The following TAS2R1 variants were observed in gnomAD, a reference collection of about 807,000 sequenced individuals.
The protein encoded by TAS2R1 is taste 2 receptor member 1.
For synonymous variants in TAS2R1, 141 were observed against 134.2 expected (o/e 1.05, Z -0.35); for missense variants, 370 against 353.4 (o/e 1.05, Z -0.38).
chr5:9,858,808 C>T, the TAS2R1 span, among the ~76,000 whole-genome samples: 1 of 152,146 alleles, frequency 6.6e-6, no homozygotes, highest in South Asian at 2.1e-4. Flanking sequence ...AGATTGTATG[C>T]ACTTCCCTGT....
chr5:9,770,608 A>C, the TAS2R1 span, among the ~76,000 whole-genome samples: 53,963 of 151,822 alleles, frequency 0.36, 10,186 homozygotes, highest in Admixed American at 0.44. Flanking sequence ...TTATAGAAAT[A>C]TCTCACTTAT....
chr5:9,716,545 TTA>T (rs5865851), upstream of TAS2R1, among the ~76,000 whole-genome samples: 111,235 of 148,378 alleles, frequency 0.75, 41,497 homozygotes, highest in Non-Finnish European at 0.77. Flanking sequence ...AGTACATATA[TTA>T]TATATATATA....
intron 1 of TAS2R1, among the ~76,000 whole-genome samples, chr5:9,689,399 C>T (rs1348378650): frequency 6.6e-6 from 1 of 152,138 alleles, no homozygotes; most frequent in Non-Finnish European, 1.5e-5. Flanking sequence ...CGCCCCAGAC[C>T]TACTAAATTA....
intron 1 of TAS2R1, among the ~76,000 whole-genome samples, chr5:9,684,066 T>A (rs57347718): frequency 0.15 from 23,483 of 152,188 alleles, 1,939 homozygotes; most frequent in Admixed American, 0.24. Context: ...CCAAAGGCCA[T>A]GAAATCTGTA....
At chr5:9,770,156 T>C in the TAS2R1 span, among the ~76,000 whole-genome samples, 1 of 152,196 alleles carries the variant, frequency 6.6e-6, no homozygotes, top group East Asian at 1.9e-4. Flanking sequence ...CACATGTTTA[T>C]TGAAGAGATT....
the TAS2R1 span, chr5:9,854,679 A>G: frequency 6.6e-6 from 1 of 152,234 alleles, no homozygotes; most frequent in Non-Finnish European, 1.5e-5. Flanking sequence ...ATTAAAACTA[A>G]GATAAGGATA....
chr5:9,713,324 A>T (rs1734736598), upstream of TAS2R1: 5 of 152,232 alleles, frequency 3.3e-5, no homozygotes, highest in Admixed American at 3.3e-4. Context: ...ATTACCATGT[A>T]AATCACCATA....
the TAS2R1 span, among the ~76,000 whole-genome samples, chr5:9,725,928 T>C: frequency 6.7e-6 from 1 of 149,398 alleles, no homozygotes; most frequent in Non-Finnish European, 1.5e-5. Flanking sequence ...GGTGGGGCCT[T>C]GGAGAACCTT....
chr5:9,893,777 A>G, the TAS2R1 span, among the ~76,000 whole-genome samples: 1 of 151,070 alleles, frequency 6.6e-6, no homozygotes, highest in East Asian at 1.9e-4. Context: ...GATTCTTGTG[A>G]TCTGTCTACT....
chr5:9,768,462 G>T, the TAS2R1 span, among the ~76,000 whole-genome samples: 2 of 152,084 alleles, frequency 1.3e-5, no homozygotes, highest in Non-Finnish European at 2.9e-5. Flanking sequence ...CTAGGTCAGC[G>T]CTGCTTTCCC....
chr5:9,788,097 A>G, the TAS2R1 span, among the ~76,000 whole-genome samples: 5 of 152,218 alleles, frequency 3.3e-5, no homozygotes, highest in African/African-American at 1.2e-4. Flanking sequence ...GAGAACTCAG[A>G]TATCACCTCA....
At chr5:9,756,866 A>AT in the TAS2R1 span, among the ~76,000 whole-genome samples, 1 of 152,224 alleles carries the variant, frequency 6.6e-6, no homozygotes, top group Non-Finnish European at 1.5e-5. Context: ...ACAAGAAAAT[A>AT]TTTTGAAATA....
At chr5:9,736,186 A>G in the TAS2R1 span, among the ~76,000 whole-genome samples, 8 of 152,330 alleles carry the variant, frequency 5.3e-5, no homozygotes, top group East Asian at 1.5e-3. Flanking sequence ...CCTGCCTAGC[A>G]TCCCTCTTTT....
chr5:9,830,609 A>G, the TAS2R1 span, among the ~76,000 whole-genome samples: 348 of 84,226 alleles, frequency 4.1e-3, 1 homozygote, highest in East Asian at 0.011. Flanking sequence ...GCGCGCGCAC[A>G]CACACACACA....
intron 1 of TAS2R1, among the ~76,000 whole-genome samples, chr5:9,692,995 C>A (rs184341667): frequency 1.3e-5 from 2 of 152,104 alleles, no homozygotes; most frequent in Non-Finnish European, 2.9e-5. Flanking sequence ...CTCCTCTCCT[C>A]TCCCATCAGA....
At chr5:9,788,316 G>A in the TAS2R1 span, among the ~76,000 whole-genome samples, 8 of 152,268 alleles carry the variant, frequency 5.3e-5, no homozygotes, top group African/African-American at 1.7e-4. Flanking sequence ...CTTTCCACCC[G>A]ATAAGCAGCT....
the TAS2R1 span, among the ~76,000 whole-genome samples, chr5:9,839,842 T>G: frequency 6.6e-6 from 1 of 152,218 alleles, no homozygotes; most frequent in African/African-American, 2.4e-5. Flanking sequence ...CCTTCCATAT[T>G]TAACTATTCT....
the TAS2R1 span, among the ~76,000 whole-genome samples, chr5:9,797,147 C>G: frequency 6.6e-6 from 1 of 152,156 alleles, no homozygotes; most frequent in South Asian, 2.1e-4. Context: ...TCACAACTGT[C>G]CCCTAGACCA....
At chr5:9,868,386 A>G in the TAS2R1 span, among the ~76,000 whole-genome samples, 4 of 152,170 alleles carry the variant, frequency 2.6e-5, no homozygotes, top group Non-Finnish European at 5.9e-5. Flanking sequence ...CAAATTCAAC[A>G]CCACGTGGAA....
Sources: allele counts gnomAD v4.1 joint callset (sites outside exome capture counted in the v4.1 genomes callset), GRCh38; gene constraint gnomAD v4.1.1; transcripts MANE v1.5; gene names NCBI Gene and HGNC (gene_info 2026-07-23, HGNC 2026-07-21).